DIS3L2: variants seen among roughly 807,000 people sequenced by gnomAD.
DIS3L2 encodes the protein DIS3-like exonuclease 2.
DIS3L2 carries 34 observed loss-of-function variants against 97.5 expected under a neutral mutation model. The observed-to-expected ratio is 0.35, with a 90% CI of 0.27 to 0.46. The LOEUF (loss-of-function observed/expected upper bound fraction) is 0.46. Ranked by LOEUF, DIS3L2 falls within the 20% of genes least tolerant of loss-of-function variation. The probability of loss-of-function intolerance (pLI) is 1.00; values close to 1 mark genes in which losing one functional copy is unlikely to be tolerated. For missense variants in DIS3L2, 1,038 were observed against 1,146.0 expected (o/e 0.91, Z 1.36); for synonymous variants, 435 against 445.2 (o/e 0.98, Z 0.29).
At chr2:232,280,977 G>A (rs749332892) in intron 13 of DIS3L2, among the ~76,000 whole-genome samples, 1 of 152,188 alleles carries the variant, frequency 6.6e-6, no homozygotes, top group Admixed American at 6.5e-5. Context: ...ATTGCCGTGG[G>A]TTGGTTTGTT....
In DIS3L2 at chr2:232,325,356, T is replaced by C. The variant is rs1457429170; in HGVS notation, c.1740-4457T>C. ...TTTCTTTAGAGGAACGTTTGTGCAC[T>C]GTGGGAACCTCTGTCTCTACCAGTG... On this transcript the variant is annotated intron_variant, in intron 14 of 20. Transcript: ENST00000325385. This position sits in a 1 kb window ranked among gnomAD's most constrained non-coding sequence, Gnocchi z 4.6. Among the ~76,000 whole-genome samples, 1 of 152,142 alleles carries C rather than the reference T, an allele frequency of 6.6e-6. No homozygotes were observed.
chr2:232,166,737 T>C (rs556846566), intron 9 of DIS3L2, among the ~76,000 whole-genome samples: 1 of 151,728 alleles, frequency 6.6e-6, no homozygotes, highest in Non-Finnish European at 1.5e-5. Flanking sequence ...AAAATTACTT[T>C]GGGCTGGGCA....
chr2:232,046,777 G>A (rs1293375288), intron 5 of DIS3L2, among the ~76,000 whole-genome samples: 1 of 152,144 alleles, frequency 6.6e-6, no homozygotes, highest in East Asian at 1.9e-4. Flanking sequence ...TAAGTGTTCT[G>A]TAACCCACCT....
chr2:232,019,838 A>C (rs1694463106), intron 3 of DIS3L2, among the ~76,000 whole-genome samples: 1 of 152,038 alleles, frequency 6.6e-6, no homozygotes, highest in Non-Finnish European at 1.5e-5. Flanking sequence ...AAAACAACTA[A>C]AGAAAAAGAG....
chr2:232,177,335 G>A (rs1162011549), intron 9 of DIS3L2, among the ~76,000 whole-genome samples: 1 of 144,714 alleles, frequency 6.9e-6, no homozygotes, highest in Non-Finnish European at 1.5e-5. Flanking sequence ...TAATGGGATG[G>A]CTGGGTCAAA....
chr2:232,100,804 GGTGTGTGT>G (rs61079731), intron 6 of DIS3L2, among the ~76,000 whole-genome samples: 4 of 147,630 alleles, frequency 2.7e-5, no homozygotes, highest in African/African-American at 7.6e-5. Flanking sequence ...TTGAAAGAAA[GGTGTGTGT>G]GTGTGTGTGT....
chr2:232,159,301 C>T (rs1386281663), intron 8 of DIS3L2, among the ~76,000 whole-genome samples: 1 of 152,218 alleles, frequency 6.6e-6, no homozygotes. Flanking sequence ...ACCACTCTTG[C>T]AGGACACCAT....
At chr2:232,121,819 C>T (rs1697916310) in intron 6 of DIS3L2, among the ~76,000 whole-genome samples, 1 of 152,122 alleles carries the variant, frequency 6.6e-6, no homozygotes, top group South Asian at 2.1e-4. Flanking sequence ...CAGTCTTTCC[C>T]ACACCCTACT....
intron 9 of DIS3L2, among the ~76,000 whole-genome samples, chr2:232,168,508 T>G (rs201118782): frequency 9.6e-4 from 1 of 1,040 alleles, no homozygotes; most frequent in Non-Finnish European, 1.6e-3. Context: ...GCCAGTTGCC[T>G]TTTTTTTTGC....
chr2:232,263,550 A>T, intron 13 of DIS3L2, 110 bp downstream of exon 13: 1 of 1,048,154 alleles, frequency 9.5e-7, no homozygotes, highest in Non-Finnish European at 1.4e-6. Flanking sequence ...TCTTTGCTCC[A>T]GGCACCACAC....
chr2:232,313,767 G>A (rs1695199898), intron 14 of DIS3L2, among the ~76,000 whole-genome samples: 2 of 152,176 alleles, frequency 1.3e-5, no homozygotes, highest in African/African-American at 4.8e-5. Context: ...AGGTTTGTTG[G>A]ACTTACAGTT....
intron 13 of DIS3L2, among the ~76,000 whole-genome samples, chr2:232,277,729 C>T (rs911743207): frequency 2.0e-5 from 3 of 152,094 alleles, no homozygotes; most frequent in Non-Finnish European, 2.9e-5. Context: ...AGAAATATGT[C>T]GTTAAGTGAT....
At chr2:232,225,221 G>A (rs1279609325) in intron 10 of DIS3L2, among the ~76,000 whole-genome samples, 4 of 152,104 alleles carry the variant, frequency 2.6e-5, no homozygotes. Flanking sequence ...ATAACTCATG[G>A]CCCAGCAGTT....
intron 13 of DIS3L2, among the ~76,000 whole-genome samples, chr2:232,298,599 T>A (rs112405310): frequency 1.3e-5 from 2 of 152,234 alleles, no homozygotes; most frequent in African/African-American, 4.8e-5. Context: ...AAACCATTCC[T>A]GTGAGTTCCT....
intron 9 of DIS3L2, among the ~76,000 whole-genome samples, chr2:232,185,948 G>T (rs944229254): frequency 2.6e-5 from 4 of 151,590 alleles, no homozygotes; most frequent in Non-Finnish European, 5.9e-5. Context: ...ATTGGAAAAC[G>T]GTAGAGAAAA....
intron 10 of DIS3L2, among the ~76,000 whole-genome samples, chr2:232,216,133 G>A (rs1420680637): frequency 6.6e-6 from 1 of 151,298 alleles, no homozygotes; most frequent in African/African-American, 2.4e-5. Flanking sequence ...TTTACTTGCT[G>A]TTGCTTTCTC....
chr2:232,132,415 C>T (rs898998020), intron 7 of DIS3L2, among the ~76,000 whole-genome samples: 2 of 152,116 alleles, frequency 1.3e-5, no homozygotes, highest in Non-Finnish European at 1.5e-5. Context: ...TTTCTTGCTC[C>T]TCCCACTGAG....
chr2:231,976,765 CTTTT>C (rs34911392), intron 1 of DIS3L2, among the ~76,000 whole-genome samples: 2 of 124,456 alleles, frequency 1.6e-5, no homozygotes, highest in East Asian at 4.4e-4. Flanking sequence ...AACACGAAGC[CTTTT>C]TTTTTTTTTT....
chr2:232,289,249 G>GTT (rs1031812345), intron 13 of DIS3L2, among the ~76,000 whole-genome samples: 2 of 142,456 alleles, frequency 1.4e-5, no homozygotes, highest in African/African-American at 2.6e-5. Context: ...TTTGTTTTTT[G>GTT]TTTTTTTTTT....
Sources: gnomAD v4.1 joint callset for allele counts (sites outside exome capture counted in the v4.1 genomes callset) on GRCh38, gnomAD v4.1.1 for gene constraint, Gnocchi (gnomAD v3.1) non-coding constraint, MANE v1.5 for transcripts, NCBI Gene and HGNC (gene_info 2026-07-23, HGNC 2026-07-21) for gene names.